The following CDH2 variants were observed in gnomAD, a reference collection of about 807,000 sequenced individuals.
The protein encoded by CDH2 is cadherin 2, also known as cadherin-2.
A neutral mutation model predicts 92.0 loss-of-function variants in CDH2; 17 were observed. The ratio of observed to expected loss-of-function variants is 0.18; its 90% CI spans 0.13 to 0.28. The LOEUF is 0.28. CDH2 is among the 10% of genes least tolerant of loss of function. The pLI, the probability that CDH2 is intolerant of heterozygous loss-of-function variation, is 1.00. For synonymous variants in CDH2, 419 were observed against 415.9 expected, an observed-to-expected ratio of 1.01 and a Z score of -0.09; for missense variants, 862 against 1,133.1, an observed-to-expected ratio of 0.76 and a Z score of 3.44.
chr18:28,003,083 C>A lies in CDH2; in HGVS notation c.934G>T (p.Ala312Ser), dbSNP rs2012817011. The A allele has an allele frequency of 6.2e-7, 1 of 1,613,806 alleles. No individual in the cohort carries two copies. Among genetic ancestry groups the A allele is most frequent in the Admixed American group, 1.7e-5 (1 of 59,984 alleles). The change falls in exon 7 of 16, where the codon GCT (alanine) becomes TCT (serine). Residue 312 changes from alanine (A) to serine (S), a missense_variant. This residue lies in a region of CDH2 where 564 missense variants were observed against 722.2 expected (regional missense o/e 0.78). Transcript: ENST00000269141. The part of the protein sequence containing the change: ...GMLRYRIVSQ[A>S]PSTPSPNMFT... ...ATGTTGGGTGAAGGGGTGCTTGGAG[C>A]CTGAGACACGATTCTGTACCTCAAC...
chr18:27,973,422 T>C (rs1356183609), intron 14 of CDH2, among the ~76,000 whole-genome samples: 1 of 152,214 alleles, frequency 6.6e-6, no homozygotes, highest in East Asian at 1.9e-4. Flanking sequence ...CAGAAAGTAC[T>C]AGAAGCTTTC....
chr18:28,134,665 C>G (rs747060749), intron 2 of CDH2, among the ~76,000 whole-genome samples: 1 of 152,126 alleles, frequency 6.6e-6, no homozygotes. Flanking sequence ...AAGCCATGAT[C>G]GTACCACTGC....
intron 2 of CDH2, among the ~76,000 whole-genome samples, chr18:28,093,562 G>A (rs1251726917): frequency 1.7e-5 from 2 of 115,762 alleles, no homozygotes; most frequent in Admixed American, 1.8e-4. Context: ...TAAAGTCTAA[G>A]CAAAGTTAAA....
At chr18:28,139,538 G>T (rs1205357365) in intron 2 of CDH2, among the ~76,000 whole-genome samples, 1 of 151,908 alleles carries the variant, frequency 6.6e-6, no homozygotes, top group Non-Finnish European at 1.5e-5. Flanking sequence ...AACACCAGTT[G>T]CCTCCATGTT....
At chr18:28,163,201 G>T (rs979662143) in intron 1 of CDH2, among the ~76,000 whole-genome samples, 68 of 152,192 alleles carry the variant, frequency 4.5e-4, no homozygotes, top group African/African-American at 1.6e-3. Context: ...CAGTCCACCA[G>T]ATTTTTTTAA....
intron 2 of CDH2, among the ~76,000 whole-genome samples, chr18:28,016,180 A>G (rs2013241052): frequency 6.6e-6 from 1 of 152,160 alleles, no homozygotes; most frequent in Non-Finnish European, 1.5e-5. Flanking sequence ...TTATGTTTAT[A>G]ATAATAATAG....
intron 4 of CDH2, 106 bp downstream of exon 4, chr18:28,011,740 A>T: frequency 9.9e-7 from 1 of 1,012,012 alleles, no homozygotes; most frequent in Non-Finnish European, 1.5e-6. Context: ...AAACACTTTT[A>T]GTATATACAT....
chr18:28,088,417 A>G lies in CDH2; in HGVS notation c.172+59256T>C, dbSNP rs17494523. ...AATTTATCAATCTGACACTTGAACC[A>G]TAATTTTTTTCATTCGAATTAAATT... On this transcript the variant is annotated intron_variant, in intron 2 of 15. Transcript: ENST00000269141. Among the ~76,000 whole-genome samples, 495 of 152,356 alleles carry G rather than the reference A, an allele frequency of 3.2e-3. 3 individuals carry two copies. The highest frequency in any genetic ancestry group is 0.011 in the African/African-American group (473 of 41,584).
Position 28,114,890 on chromosome 18 carries a change from C to CA in CDH2, c.172+32782dup, listed in dbSNP as rs549364446. ...TAAATTGTAGGCTGCCTACAGAATGCAAAAAAAAAAATTATAAAAAAAAGT... is the reference window on the plus strand; with the variant it reads ...TAAATTGTAGGCTGCCTACAGAATGCAAAAAAAAAAAATTATAAAAAAAAGT... On this transcript the variant is annotated intron_variant, in intron 2 of 15. Transcript: ENST00000269141. 6.3e-3 allele frequency among the ~76,000 whole-genome samples: 898 copies of CA among 142,848 alleles called. 14 individuals are homozygous for CA. The highest frequency in any genetic ancestry group is 0.02 in the African/African-American group (766 of 39,098). The allele number at this position is 142,848 out of a possible 152,430, so 93.7% of individuals were successfully genotyped here.
intron 6 of CDH2, among the ~76,000 whole-genome samples, chr18:27,943,041 AG>A (rs1408978294): frequency 6.6e-6 from 1 of 152,180 alleles, no homozygotes; most frequent in Non-Finnish European, 1.5e-5. Flanking sequence ...TGTGTTTCAC[AG>A]GGTATTATGG....
At position 27,951,584 on chromosome 18, in the gene CDH2, TTATTTGCAACCAGCTGAGTAAG is replaced by T. The variant is rs1285851536; in HGVS notation, c.*547_*568del. The T allele has an allele frequency of 6.6e-6, 1 of 152,022 alleles. No homozygotes were observed. Among genetic ancestry groups the T allele is most frequent in the Non-Finnish European group, 1.5e-5 (1 of 67,996 alleles). The allele number at this position is 152,022 out of a possible 1,614,324, so 9.4% of individuals were successfully genotyped here. A position where few individuals can be genotyped will look rare whatever the true frequency, so the allele number is the denominator to read the frequency against. ...CAAATTGGTGATATGAAAACTCCCTTTATTTGCAACCAGCTGAGTAAGTTTTAAGATTTTAGTGAAAAAAAAA... is the reference window on the plus strand; with the variant it reads ...CAAATTGGTGATATGAAAACTCCCTTTTTTAAGATTTTAGTGAAAAAAAAA... On this transcript the variant is annotated 3_prime_UTR_variant, in exon 16 of 16. Coordinates refer to ENST00000269141, the MANE Select transcript of CDH2 (RefSeq NM_001792.5).
chr18:27,968,982 G>T (rs1209121792), intron 14 of CDH2, among the ~76,000 whole-genome samples: 2 of 152,132 alleles, frequency 1.3e-5, no homozygotes, highest in African/African-American at 2.4e-5. Flanking sequence ...TAGTGATAAG[G>T]TGTCAACATA....
At chr18:28,143,186 T>TTAA (rs2015981961) in intron 2 of CDH2, among the ~76,000 whole-genome samples, 6 of 151,948 alleles carry the variant, frequency 3.9e-5, no homozygotes, top group Admixed American at 3.9e-4. Flanking sequence ...TCAGAGGAGT[T>TTAA]TACTTAGAGA....
chr18:28,031,568 G>T (rs1024262147), intron 2 of CDH2, among the ~76,000 whole-genome samples: 2 of 151,814 alleles, frequency 1.3e-5, no homozygotes, highest in Non-Finnish European at 2.9e-5. Context: ...TAGCTCACTG[G>T]GTCTCTACAG....
intron 2 of CDH2, among the ~76,000 whole-genome samples, chr18:28,026,960 T>C (rs2013568907): frequency 6.6e-6 from 1 of 152,134 alleles, no homozygotes; most frequent in South Asian, 2.1e-4. Context: ...CATATCACTT[T>C]ACAGCAGAAG....
chr18:28,115,284 C>CA lies in CDH2; in HGVS notation c.172+32388dup, dbSNP rs542212665. 1.1e-4 allele frequency among the ~76,000 whole-genome samples: 16 copies of CA among 152,238 alleles called. No homozygotes were observed. In the East Asian group the frequency reaches 2.5e-3, roughly 24 times the overall value. On this transcript the variant is annotated intron_variant, in intron 2 of 15. Transcript: ENST00000269141. ...GGATTGCCCATAGCAACTACTTCCA[C>CA]AAAAAATGCCTTGTGGGAAGTGGGG...
intron 13 of CDH2, among the ~76,000 whole-genome samples, 196 bp downstream of exon 13, chr18:27,984,804 A>T (rs2143951195): frequency 6.6e-6 from 1 of 152,254 alleles, no homozygotes; most frequent in East Asian, 1.9e-4. Context: ...TGTTGCAAAC[A>T]TCAAGTGCTT....
intron 2 of CDH2, among the ~76,000 whole-genome samples, chr18:28,103,518 T>C (rs963378301): frequency 3.3e-5 from 5 of 151,056 alleles, no homozygotes; most frequent in East Asian, 1.9e-4. Flanking sequence ...CACACACACA[T>C]ATACTTTAAG....
At chr18:28,049,234 C>G (rs2014141620) in intron 2 of CDH2, among the ~76,000 whole-genome samples, 1 of 152,248 alleles carries the variant, frequency 6.6e-6, no homozygotes. Context: ...CAAATCCAAC[C>G]AGCAAAGGTG....
Sources: gnomAD v4.1 joint callset for allele counts (sites outside exome capture counted in the v4.1 genomes callset) on GRCh38, gnomAD v4.1.1 for gene constraint, gnomAD v4.1.1 regional missense constraint, MANE v1.5 for transcripts, NCBI Gene and HGNC (gene_info 2026-07-23, HGNC 2026-07-21) for gene names.